The following PAPPA variants were observed in gnomAD, a reference collection of about 807,000 sequenced individuals.
PAPPA encodes pappalysin 1.
PAPPA carries 60 observed loss-of-function variants against 164.0 expected under a neutral mutation model. That is an observed-to-expected ratio of 0.37 (90% CI 0.30 to 0.45). PAPPA has a LOEUF of 0.45. Ranked by LOEUF, PAPPA falls within the 20% of genes least tolerant of loss-of-function variation. The pLI is 1.00. For missense variants in PAPPA, 1,782 were observed against 2,087.3 expected (o/e 0.85, Z 2.85); for synonymous variants, 875 against 814.1 (o/e 1.07, Z -1.27).
At chr9:116,155,308 T>C (rs961132062) in intron 1 of PAPPA, among the ~76,000 whole-genome samples, 1 of 152,088 alleles carries the variant, frequency 6.6e-6, no homozygotes, top group African/African-American at 2.4e-5. Flanking sequence ...GAATTTGAGT[T>C]CTCCCTCCTC....
chr9:116,385,597 A>AG (rs1846799206), intron 21 of PAPPA, among the ~76,000 whole-genome samples: 1 of 152,232 alleles, frequency 6.6e-6, no homozygotes, highest in Non-Finnish European at 1.5e-5. Context: ...AAGGAACCCC[A>AG]GAACCAGTTC....
intron 21 of PAPPA, among the ~76,000 whole-genome samples, chr9:116,390,239 A>C (rs1250909002): frequency 1.3e-5 from 2 of 152,140 alleles, no homozygotes; most frequent in Non-Finnish European, 2.9e-5. Context: ...AAAGGCAATA[A>C]ATGAAAGGTC....
intron 20 of PAPPA, among the ~76,000 whole-genome samples, chr9:116,378,555 A>G (rs1220665119): frequency 2.0e-5 from 3 of 152,228 alleles, no homozygotes; most frequent in African/African-American, 7.2e-5. Flanking sequence ...AGAACCAGAA[A>G]GACTCTTTTA....
At chr9:116,379,862 C>T (rs538338736) in intron 20 of PAPPA, among the ~76,000 whole-genome samples, 3 of 152,222 alleles carry the variant, frequency 2.0e-5, no homozygotes, top group Admixed American at 6.5e-5. Context: ...TGTCTGAATG[C>T]GTTACTAGTA....
At chr9:116,373,999 C>T (rs1846611180) in intron 19 of PAPPA, among the ~76,000 whole-genome samples, 1 of 151,360 alleles carries the variant, frequency 6.6e-6, no homozygotes, top group Non-Finnish European at 1.5e-5. Context: ...GAATTTTGTG[C>T]CGATGAGGAT....
In PAPPA at chr9:116,188,130, A is replaced by G. The variant is rs1341080064; in HGVS notation, c.1392A>G (p.Glu464=). ...TGTGTGACATGGACTGCAACTATGA[A>G]CGGTTCAACTTTGATGGTGGAGAGT... The part of the protein sequence containing the change: ...NGVCDMDCNY[E]RFNFDGGECC... Residue 464 remains glutamate (E), a synonymous_variant, in exon 2 of 22, where the codon GAA becomes GAG. Transcript: ENST00000328252. The G allele has an allele frequency of 3.1e-6, 5 of 1,614,082 alleles. No homozygotes were observed.
In PAPPA at chr9:116,353,201, T is replaced by C. The variant is rs74865293; in HGVS notation, c.4175+285T>C. ...TTTTTAAGCCACAAGAGGGGTATGATAATAACAGTTACCACGTAAGGTTGT... is the reference window on the plus strand; with the variant it reads ...TTTTTAAGCCACAAGAGGGGTATGACAATAACAGTTACCACGTAAGGTTGT... On this transcript the variant is annotated intron_variant, in intron 16 of 21. Transcript: ENST00000328252. Among the ~76,000 whole-genome samples, 1,261 of 152,302 alleles carry C rather than the reference T, an allele frequency of 8.3e-3. 12 individuals are homozygous for C. The highest frequency in any genetic ancestry group is 0.013 in the Non-Finnish European group (910 of 68,028).
chr9:116,332,359 C>A lies in PAPPA; in HGVS notation c.3288C>A (p.Ala1096=), dbSNP rs753006070. 6.2e-7 allele frequency: 1 copy of A among 1,613,692 alleles called. No homozygotes were observed. The highest frequency in any genetic ancestry group is 8.5e-7 in the Non-Finnish European group (1 of 1,179,678). ...CGTATTTTTCTCAACCAATGGTTGC[C>A]GCAGCTGTCATTGTCCACCTGGTGA... is the stretch of plus-strand genomic sequence containing the variant. ...LRAYFSQPMV[A]AAVIVHLVTD... The change falls in exon 12 of 22, where the codon GCC becomes GCA. Residue 1096 remains alanine (A), a synonymous_variant. Transcript: ENST00000328252.
intron 9 of PAPPA, 104 bp from the exon 10 acceptor site, chr9:116,302,653 G>A: frequency 1.2e-6 from 1 of 846,332 alleles, no homozygotes. Context: ...GGGCTTGACA[G>A]TACCAATGGT....
At chr9:116,222,805 T>A (rs895250333) in intron 5 of PAPPA, among the ~76,000 whole-genome samples, 2 of 152,304 alleles carry the variant, frequency 1.3e-5, no homozygotes, top group East Asian at 1.9e-4. Context: ...TAAATGATAA[T>A]GCATTGTATA....
intron 7 of PAPPA, among the ~76,000 whole-genome samples, chr9:116,264,612 T>G (rs1341178740): frequency 6.6e-6 from 1 of 152,194 alleles, no homozygotes; most frequent in Non-Finnish European, 1.5e-5. Flanking sequence ...TAACAGCAGC[T>G]GAAATAACAG....
intron 15 of PAPPA, among the ~76,000 whole-genome samples, chr9:116,349,430 G>A (rs568118364): frequency 1.3e-5 from 2 of 152,230 alleles, no homozygotes; most frequent in South Asian, 2.1e-4. Context: ...TGGGAGTAAC[G>A]AATATACAAG....
chr9:116,205,572 A>C (rs960232508), intron 2 of PAPPA, among the ~76,000 whole-genome samples: 2 of 152,122 alleles, frequency 1.3e-5, no homozygotes, highest in African/African-American at 4.8e-5. Context: ...GAGCTTGGAA[A>C]TGAGGGTGAG....
At chr9:116,179,260 G>C (rs147654810) in intron 1 of PAPPA, among the ~76,000 whole-genome samples, 1 of 152,136 alleles carries the variant, frequency 6.6e-6, no homozygotes, top group African/African-American at 2.4e-5. Flanking sequence ...TCAGATAACA[G>C]TTCCTGGCAA....
chr9:116,199,391 A>G (rs142139856), intron 2 of PAPPA, among the ~76,000 whole-genome samples: 35 of 152,344 alleles, frequency 2.3e-4, no homozygotes, highest in African/African-American at 8.2e-4. Flanking sequence ...CCAGACCAAC[A>G]TTTCAGCTTC....
chr9:116,388,527 T>C (rs1402753932), intron 21 of PAPPA, among the ~76,000 whole-genome samples: 1 of 152,238 alleles, frequency 6.6e-6, no homozygotes, highest in Non-Finnish European at 1.5e-5. Context: ...GTGATTCTTA[T>C]AGATGTCTGG....
chr9:116,385,904 A>G (rs978901896), intron 21 of PAPPA, among the ~76,000 whole-genome samples: 3 of 152,292 alleles, frequency 2.0e-5, no homozygotes, highest in East Asian at 1.9e-4. Flanking sequence ...CCACACAACT[A>G]TTGCATTTAA....
intron 2 of PAPPA, among the ~76,000 whole-genome samples, chr9:116,203,200 C>T (rs1456224772): frequency 6.6e-6 from 1 of 152,212 alleles, no homozygotes; most frequent in Non-Finnish European, 1.5e-5. Flanking sequence ...CTGCTATACA[C>T]AAGTGACATG....
intron 1 of PAPPA, among the ~76,000 whole-genome samples, chr9:116,175,943 C>T (rs537135688): frequency 6.6e-6 from 1 of 152,326 alleles, no homozygotes; most frequent in Admixed American, 6.5e-5. Context: ...CCCTCAACAA[C>T]TACATGTGGG....
Sources: allele counts gnomAD v4.1 joint callset (sites outside exome capture counted in the v4.1 genomes callset), GRCh38; gene constraint gnomAD v4.1.1; transcripts MANE v1.5; gene names NCBI Gene and HGNC (gene_info 2026-07-23, HGNC 2026-07-21).